The following SLC12A8 variants were observed in gnomAD, a reference collection of about 807,000 sequenced individuals.
SLC12A8 encodes the protein cation-chloride cotransporter 9.
SLC12A8 carries 69 observed loss-of-function variants against 75.6 expected under a neutral mutation model. The ratio of observed to expected loss-of-function variants is 0.91; its 90% CI spans 0.75 to 1.11. The LOEUF (loss-of-function observed/expected upper bound fraction) is 1.11. SLC12A8 is among the 50% of genes most tolerant of loss of function. The pLI, the probability that SLC12A8 is intolerant of heterozygous loss-of-function variation, is 0.00. For synonymous variants in SLC12A8, 365 were observed against 372.8 expected (o/e 0.98, Z 0.24); for missense variants, 877 against 896.7 (o/e 0.98, Z 0.28).
chr3:125,155,625 G>GTGGGCAC (rs1934030770), intron 5 of SLC12A8, among the ~76,000 whole-genome samples: 9 of 119,586 alleles, frequency 7.5e-5, no homozygotes, highest in Non-Finnish European at 1.6e-4. Flanking sequence ...CAAAAAAGTA[G>GTGGGCAC]CTGTAGTCCC....
chr3:125,110,168 CA>C lies in SLC12A8; in HGVS notation c.1059+20del, dbSNP rs1231623927. ...GCAAAACATGTTTCAAAAAACAAAC[CA>C]AAAAAAGAGGATTACTCACCCCTTG... is the stretch of plus-strand genomic sequence containing the variant. On this transcript the variant is annotated intron_variant, in intron 9 of 13. Coordinates refer to ENST00000469902, the MANE Select transcript of SLC12A8 (RefSeq NM_024628.6). 4 of 1,598,476 alleles carry C rather than the reference CA, an allele frequency of 2.5e-6. No individual in the cohort carries two copies. The highest frequency in any genetic ancestry group is 1.1e-5 in the South Asian group (1 of 89,754).
Position 125,083,298 on chromosome 3 carries a change from A to G in SLC12A8, c.*592T>C, listed in dbSNP as rs944541061. On this transcript the variant is annotated 3_prime_UTR_variant, in exon 14 of 14. Transcript: ENST00000469902. ...GTCCCCTGCTAGTCTTAGTACCTGT[A>G]TAGAGCTCTTCAGACTGGGTGTCGT... The G allele has an allele frequency of 6.5e-6, 1 of 153,064 alleles. No homozygotes were observed. Among genetic ancestry groups the G allele is most frequent in the African/African-American group, 2.4e-5 (1 of 41,440 alleles). The allele number at this position is 153,064 out of a possible 1,614,324, so 9.5% of individuals were successfully genotyped here. A position where few individuals can be genotyped will look rare whatever the true frequency, so the allele number is the denominator to read the frequency against.
intron 2 of SLC12A8, among the ~76,000 whole-genome samples, chr3:125,198,993 T>C (rs1053424191): frequency 4.6e-5 from 7 of 152,026 alleles, no homozygotes; most frequent in South Asian, 2.1e-4. Context: ...TTAGCCAGGA[T>C]GGTCTCGATC....
chr3:125,187,223 G>A lies in SLC12A8; in HGVS notation c.390+14C>T. 6.2e-7 allele frequency: 1 copy of A among 1,607,662 alleles called. No individual in the cohort carries two copies. Among genetic ancestry groups the A allele is most frequent in the Non-Finnish European group, 8.5e-7 (1 of 1,174,638 alleles). The stretch of plus-strand genomic sequence containing the variant: ...AGGGCCAGGCAGGGGAAGCATCCCG[G>A]GCGCAGGCCTCACCTGTCCAAACAC... On this transcript the variant is annotated intron_variant, in intron 4 of 13. Coordinates refer to ENST00000469902, the MANE Select transcript of SLC12A8 (RefSeq NM_024628.6).
chr3:125,205,011 G>A (rs963656039), intron 2 of SLC12A8, among the ~76,000 whole-genome samples: 27 of 152,014 alleles, frequency 1.8e-4, no homozygotes, highest in African/African-American at 6.5e-4. Flanking sequence ...TACCACCAAA[G>A]ACCACCTCCT....
At position 125,100,176 on chromosome 3, in the gene SLC12A8, A is replaced by C. The variant is rs1938832622; in HGVS notation, c.1705+7305T>G. On this transcript the variant is annotated intron_variant, in intron 10 of 13. Transcript: ENST00000469902. ...GGGATAATGTCAAGTATATCAATAA[A>C]TATGTAATGGAAGTCCCACAGGGAC... Among the ~76,000 whole-genome samples the C allele has an allele frequency of 3.3e-5, 5 of 152,196 alleles. No homozygotes were observed. In the South Asian group the frequency reaches 1.0e-3, roughly 32 times the overall value.
intron 3 of SLC12A8, among the ~76,000 whole-genome samples, chr3:125,187,932 T>C (rs1417735382): frequency 6.6e-6 from 1 of 152,220 alleles, no homozygotes; most frequent in African/African-American, 2.4e-5. Flanking sequence ...TTAGTACTTT[T>C]CACAGGACTT....
intron 8 of SLC12A8, among the ~76,000 whole-genome samples, chr3:125,114,510 C>T (rs969312060): frequency 5.3e-5 from 8 of 152,196 alleles, no homozygotes; most frequent in Admixed American, 1.3e-4. Context: ...CTGCAACCTC[C>T]GCCTCCTGGG....
intron 4 of SLC12A8, among the ~76,000 whole-genome samples, chr3:125,185,012 T>C (rs183723038): frequency 1.3e-5 from 2 of 151,664 alleles, no homozygotes; most frequent in Admixed American, 1.3e-4. Flanking sequence ...ATGCATTAGA[T>C]AACCTACGTG....
In SLC12A8 at chr3:125,141,014, A is replaced by G. The variant is rs537868266; in HGVS notation, c.623-5232T>C. On this transcript the variant is annotated intron_variant, in intron 5 of 13. Coordinates refer to ENST00000469902, the MANE Select transcript of SLC12A8 (RefSeq NM_024628.6). The stretch of plus-strand genomic sequence containing the variant: ...GGGTCCTGTCATCTGACATCTTTCA[A>G]CTCTCGAAGGCCTGGGATGCATGGG... 2.0e-5 allele frequency among the ~76,000 whole-genome samples: 3 copies of G among 150,988 alleles called. No individual in the cohort carries two copies. The South Asian group carries it at 6.4e-4, about 32-fold the overall frequency.
At chr3:125,138,325 C>A (rs1007505653) in intron 5 of SLC12A8, among the ~76,000 whole-genome samples, 3 of 152,160 alleles carry the variant, frequency 2.0e-5, no homozygotes, top group African/African-American at 4.8e-5. Context: ...TGCTTGAACC[C>A]AGGAGGCAGA....
intron 10 of SLC12A8, among the ~76,000 whole-genome samples, chr3:125,105,211 A>G (rs565153623): frequency 2.5e-4 from 36 of 145,514 alleles, no homozygotes; most frequent in African/African-American, 8.4e-4. Flanking sequence ...AATCGAGATA[A>G]TAGAGGGGGG....
chr3:125,147,494 A>G (rs1933808736), intron 5 of SLC12A8, among the ~76,000 whole-genome samples: 2 of 151,968 alleles, frequency 1.3e-5, no homozygotes, highest in South Asian at 4.1e-4. Flanking sequence ...ATGGAGAGTG[A>G]GGTGTGTTTG....
chr3:125,091,847 C>G (rs961439474), intron 11 of SLC12A8, among the ~76,000 whole-genome samples: 4 of 152,184 alleles, frequency 2.6e-5, no homozygotes, highest in Admixed American at 6.5e-5. Flanking sequence ...AGTATGATAA[C>G]TTAGCGTACC....
intron 5 of SLC12A8, among the ~76,000 whole-genome samples, chr3:125,147,458 G>A (rs968537877): frequency 4.6e-5 from 7 of 152,212 alleles, no homozygotes; most frequent in African/African-American, 9.7e-5. Flanking sequence ...TTTGCAAGCC[G>A]TTGTGTGCCT....
chr3:125,120,731 C>T (rs760402468), intron 6 of SLC12A8, 45 bp from the exon 7 acceptor site: 7 of 1,449,588 alleles, frequency 4.8e-6, no homozygotes, highest in South Asian at 1.2e-5. Context: ...GCCTCCTCCA[C>T]GCATCGCCTT....
chr3:125,086,502 G>T (rs1401617374), intron 13 of SLC12A8, among the ~76,000 whole-genome samples: 1 of 152,144 alleles, frequency 6.6e-6, no homozygotes, highest in Non-Finnish European at 1.5e-5. Context: ...TTTAAAACCA[G>T]AAATGACTAA....
chr3:125,147,553 C>T (rs1933815738), intron 5 of SLC12A8, among the ~76,000 whole-genome samples: 1 of 152,168 alleles, frequency 6.6e-6, no homozygotes, highest in South Asian at 2.1e-4. Flanking sequence ...AGACAAGTTC[C>T]CTCCTCCCTC....
At chr3:125,180,821 A>G (rs55990322) in intron 4 of SLC12A8, among the ~76,000 whole-genome samples, 17,826 of 152,258 alleles carry the variant, frequency 0.12, 1,393 homozygotes, top group Non-Finnish European at 0.17. Context: ...GAAATTTGCA[A>G]TATAAGTTGT....
Sources: allele counts gnomAD v4.1 joint callset (sites outside exome capture counted in the v4.1 genomes callset), GRCh38; gene constraint gnomAD v4.1.1; transcripts MANE v1.5; gene names NCBI Gene and HGNC (gene_info 2026-07-23, HGNC 2026-07-21).